DDX60: variants seen among roughly 807,000 people sequenced by gnomAD.
DDX60 encodes the protein DExD/H-box helicase 60, also known as probable ATP-dependent RNA helicase DDX60.
Under a neutral mutation model 212.8 loss-of-function variants are expected in DDX60, and 165 were observed. That is an observed-to-expected ratio of 0.78 (90% CI 0.68 to 0.88). The LOEUF (loss-of-function observed/expected upper bound fraction) is 0.88. DDX60 is among the 40% of genes least tolerant of loss of function. DDX60 has a pLI of 0.00. For missense variants in DDX60, 1,905 were observed against 2,003.9 expected (o/e 0.95, Z 0.94); for synonymous variants, 703 against 685.3 (o/e 1.03, Z -0.40).
At chr4:168,299,658 C>T (rs1736565837) in intron 6 of DDX60, among the ~76,000 whole-genome samples, 1 of 151,808 alleles carries the variant, frequency 6.6e-6, no homozygotes, top group Non-Finnish European at 1.5e-5. Context: ...TCACAAAAGC[C>T]TACTTCACAA....
intron 2 of DDX60, 48 bp from the exon 3 acceptor site, chr4:168,311,115 G>T: frequency 7.0e-7 from 1 of 1,419,396 alleles, no homozygotes; most frequent in South Asian, 1.2e-5. Flanking sequence ...TTTTTCAATT[G>T]GTCCTTTTTA....
At chr4:168,301,929 T>C (rs1221500825) in intron 6 of DDX60, among the ~76,000 whole-genome samples, 1 of 152,218 alleles carries the variant, frequency 6.6e-6, no homozygotes, top group Non-Finnish European at 1.5e-5. Context: ...TATAACCTCA[T>C]TACTGATTCG....
At position 168,302,378 on chromosome 4, in the gene DDX60, A is replaced by C. The variant is rs372194562; in HGVS notation, c.645T>G (p.Leu215=). 64 of 1,587,416 alleles carry C rather than the reference A, an allele frequency of 4.0e-5. No individual in the cohort carries two copies. In the African/African-American group the frequency reaches 5.3e-4, roughly 13 times the overall value. ...AAAGCTTAAATCTTTCCAACTGGTT[A>C]AGCAGGGTTGTATAAGCATCTTTAA... ...QNIKDAYTTL[L]NQLERFKLSA... The change falls in exon 6 of 38, where the codon CTT becomes CTG. Residue 215 remains leucine, a synonymous_variant. Coordinates refer to ENST00000393743, the MANE Select transcript of DDX60 (RefSeq NM_017631.6).
chr4:168,305,790 TCTC>T (rs1736851721), intron 5 of DDX60, among the ~76,000 whole-genome samples: 1 of 152,004 alleles, frequency 6.6e-6, no homozygotes, highest in Non-Finnish European at 1.5e-5. Context: ...CTTTGAAAAT[TCTC>T]CTATTGATTA....
At chr4:168,227,977 C>T (rs1203656450) in intron 33 of DDX60, among the ~76,000 whole-genome samples, 5 of 152,034 alleles carry the variant, frequency 3.3e-5, no homozygotes, top group Admixed American at 6.6e-5. Context: ...CATATATAGT[C>T]TGATGTCACT....
intron 6 of DDX60, among the ~76,000 whole-genome samples, chr4:168,298,564 A>C (rs1736509119): frequency 6.6e-6 from 1 of 152,220 alleles, no homozygotes; most frequent in Non-Finnish European, 1.5e-5. Flanking sequence ...AAAATTATCC[A>C]ACATATGCAT....
rs565372655 is a variant in DDX60, at chr4:168,294,055, A to G, written c.724-110T>C. 1.6e-5 allele frequency: 16 copies of G among 973,888 alleles called. No individual in the cohort carries two copies. In the Admixed American group the frequency reaches 4.4e-4, roughly 26 times the overall value. 60.3% of individuals were successfully genotyped at this position (973,888 alleles called of 1,614,324 possible). A position where few individuals can be genotyped will look rare whatever the true frequency, so the allele number is the denominator to read the frequency against. On this transcript the variant is annotated intron_variant, in intron 6 of 37. Transcript: ENST00000393743. Reference sequence around the variant, plus strand: ...GGCTTAATACATGTGTGACAAAATAATCTGTACAACAAACCCCCGTGACAC... The same window carrying G: ...GGCTTAATACATGTGTGACAAAATAGTCTGTACAACAAACCCCCGTGACAC...
chr4:168,244,879 A>T (rs911485110), intron 30 of DDX60, among the ~76,000 whole-genome samples: 15 of 134,586 alleles, frequency 1.1e-4, no homozygotes, highest in Admixed American at 4.4e-4. Flanking sequence ...GTTTTCTCAT[A>T]AAAAAAAATA....
chr4:168,260,708 G>C (rs941771600), intron 25 of DDX60, among the ~76,000 whole-genome samples, 157 bp downstream of exon 25: 3 of 152,150 alleles, frequency 2.0e-5, no homozygotes, highest in Admixed American at 6.6e-5. Flanking sequence ...AGCAATGCTC[G>C]CTGGCCCACC....
Position 168,252,581 on chromosome 4 carries a change from C to G in DDX60, c.3633G>C (p.Val1211=), listed in dbSNP as rs1250203824. ...LIHEAEHDNL[V]KCLEKNLEIP... Reference sequence around the variant, plus strand: ...TTTCCAGGTTCTTCTCTAGACACTTCACTAGATTATCATGTTCAGCTTCAT... The same window carrying G: ...TTTCCAGGTTCTTCTCTAGACACTTGACTAGATTATCATGTTCAGCTTCAT... The change falls in exon 27 of 38, where the codon GTG becomes GTC. Residue 1211 remains valine (V), a synonymous_variant. Coordinates refer to ENST00000393743, the MANE Select transcript of DDX60 (RefSeq NM_017631.6). 1.9e-6 allele frequency: 3 copies of G among 1,613,780 alleles called. No homozygotes were observed. The highest frequency in any genetic ancestry group is 2.2e-5 in the East Asian group (1 of 44,872).
chr4:168,237,036 T>C lies in DDX60; in HGVS notation c.4411+250A>G, dbSNP rs1733652665. Reference sequence around the variant, plus strand: ...ATATTATTTAATATGTTATTAATCCTGGAGGCAAGGAATCACTGAAGTTAA... The same window carrying C: ...ATATTATTTAATATGTTATTAATCCCGGAGGCAAGGAATCACTGAAGTTAA... On this transcript the variant is annotated intron_variant, in intron 32 of 37. Transcript: ENST00000393743. Among the ~76,000 whole-genome samples, 4 of 151,632 alleles carry C rather than the reference T, an allele frequency of 2.6e-5. 1 individual carries two copies. The South Asian group carries it at 8.3e-4, about 31-fold the overall frequency.
At chr4:168,267,275 CA>C (rs1294628124) in intron 22 of DDX60, among the ~76,000 whole-genome samples, 1 of 152,082 alleles carries the variant, frequency 6.6e-6, no homozygotes. Context: ...GGTAGACAGA[CA>C]GACATGGGAG....
chr4:168,297,382 G>GAAAGAA lies in DDX60; in HGVS notation c.724-3438_724-3437insTTCTTT, dbSNP rs1553971655. On this transcript the variant is annotated intron_variant, in intron 6 of 37. Transcript: ENST00000393743. Reference sequence around the variant, plus strand: ...AGAAAGAAAGAAAGAAAGAAAGAAAGAGAAAGAAAGAAAGAAAGAAAGACA... The same window carrying GAAAGAA: ...AGAAAGAAAGAAAGAAAGAAAGAAAGAAAGAAAGAAAGAAAGAAAGAAAGAAAGACA... Among the ~76,000 whole-genome samples, 10 of 39,908 alleles carry GAAAGAA rather than the reference G, an allele frequency of 2.5e-4. 1 individual carries two copies. The highest frequency in any genetic ancestry group is 9.3e-4 in the East Asian group (2 of 2,158). 26.2% of individuals were successfully genotyped at this position (39,908 alleles called of 152,430 possible).
intron 22 of DDX60, among the ~76,000 whole-genome samples, chr4:168,266,326 T>C (rs1185870058): frequency 2.6e-5 from 4 of 152,222 alleles, no homozygotes; most frequent in Admixed American, 1.3e-4. Context: ...TTATTTAACA[T>C]ACACTTAGTA....
intron 25 of DDX60, among the ~76,000 whole-genome samples, chr4:168,260,430 C>T (rs879674300): frequency 1.2e-4 from 19 of 152,116 alleles, no homozygotes; most frequent in Middle Eastern, 3.2e-3. Context: ...CACCGCACTA[C>T]GATAGGGAAC....
rs767188045 is a variant in DDX60, at chr4:168,252,521, T to C, written c.3693A>G (p.Ala1231=). The C allele has an allele frequency of 2.5e-6, 4 of 1,613,806 alleles. No homozygotes were observed. The highest frequency in any genetic ancestry group is 1.7e-4 in the Middle Eastern group (1 of 6,058). Residue 1231 remains alanine (A), a synonymous_variant, in exon 27 of 38, where the codon GCA becomes GCG. Coordinates refer to ENST00000393743, the MANE Select transcript of DDX60 (RefSeq NM_017631.6). Reference sequence around the variant, plus strand: ...TGTAAGTGCTGACCTCAGTGTCCACTGCTTTTTGATCAGCATATGTGCAGT... The same window carrying C: ...TGTAAGTGCTGACCTCAGTGTCCACCGCTTTTTGATCAGCATATGTGCAGT... ...PQDCTYADQK[A]VDTETLQKVF... is the part of the protein sequence containing the mutation.
At chr4:168,295,945 A>G (rs1170808996) in intron 6 of DDX60, among the ~76,000 whole-genome samples, 2 of 152,202 alleles carry the variant, frequency 1.3e-5, no homozygotes, top group East Asian at 3.9e-4. Context: ...TATATGTAGA[A>G]TCTAACGAAG....
At chr4:168,295,818 T>C (rs762375790) in intron 6 of DDX60, among the ~76,000 whole-genome samples, 2 of 152,182 alleles carry the variant, frequency 1.3e-5, no homozygotes, top group Non-Finnish European at 2.9e-5. Flanking sequence ...TGGAATACTA[T>C]TGAGCATTTA....
chr4:168,234,290 T>C (rs761280020), intron 33 of DDX60, among the ~76,000 whole-genome samples: 10 of 152,082 alleles, frequency 6.6e-5, no homozygotes, highest in Admixed American at 1.3e-4. Context: ...TTTTGAATAC[T>C]CTTCAGCCAT....
Sources: allele counts gnomAD v4.1 joint callset (sites outside exome capture counted in the v4.1 genomes callset), GRCh38; gene constraint gnomAD v4.1.1; transcripts MANE v1.5; gene names NCBI Gene and HGNC (gene_info 2026-07-23, HGNC 2026-07-21).